The following MMP26 variants were observed in gnomAD, a reference collection of about 807,000 sequenced individuals.
MMP26 encodes the protein matrix metalloproteinase-26.
Under a neutral mutation model 31.0 loss-of-function variants are expected in MMP26, and 33 were observed. The observed-to-expected ratio is 1.06, with a 90% CI of 0.81 to 1.42. The LOEUF (loss-of-function observed/expected upper bound fraction) is 1.42. MMP26 is among the 40% of genes most tolerant of loss of function. The pLI, the probability that MMP26 is intolerant of heterozygous loss-of-function variation, is 0.00. For missense variants in MMP26, 347 were observed against 316.1 expected (o/e 1.10, Z -0.74); for synonymous variants, 122 against 114.9 (o/e 1.06, Z -0.40).
chr11:4,763,259 G>A (rs1037920557), intron 1 of MMP26, among the ~76,000 whole-genome samples: 1 of 152,094 alleles, frequency 6.6e-6, no homozygotes, highest in Non-Finnish European at 1.5e-5. Context: ...AAAGGCCAAA[G>A]GAGACACTGA....
chr11:4,769,836 A>G, intron 2 of MMP26: 1 of 1,612,764 alleles, frequency 6.2e-7, no homozygotes, highest in Non-Finnish European at 8.5e-7. Flanking sequence ...ATGGAGATCC[A>G]GACATGGGCA....
At chr11:4,833,019 A>G (rs1849667540) in intron 2 of MMP26, 1 of 152,338 alleles carries the variant, frequency 6.6e-6, no homozygotes, top group Non-Finnish European at 1.5e-5. Flanking sequence ...TTGTGTAAAA[A>G]CTCGGCAGAT....
At chr11:4,975,390 A>G (rs1030699946) in intron 2 of MMP26, among the ~76,000 whole-genome samples, 1 of 152,000 alleles carries the variant, frequency 6.6e-6, no homozygotes, top group African/African-American at 2.4e-5. Flanking sequence ...TGTTAGGCCT[A>G]GTGTCCTCCA....
chr11:4,917,566 C>T (rs755697168), intron 2 of MMP26, among the ~76,000 whole-genome samples: 10 of 152,132 alleles, frequency 6.6e-5, no homozygotes, highest in Admixed American at 1.3e-4. Flanking sequence ...TAGTTTGGGC[C>T]GTTAACTCAC....
At chr11:4,800,914 C>G (rs1319257843) in intron 2 of MMP26, among the ~76,000 whole-genome samples, 1 of 152,180 alleles carries the variant, frequency 6.6e-6, no homozygotes, top group African/African-American at 2.4e-5. Flanking sequence ...CAGCCATGCT[C>G]TTTGCTCGGG....
intron 2 of MMP26, among the ~76,000 whole-genome samples, chr11:4,974,326 A>G (rs1463832182): frequency 4.6e-5 from 7 of 151,600 alleles, no homozygotes; most frequent in African/African-American, 7.3e-5. Flanking sequence ...TTTGTTAAAA[A>G]TTTGTAAGAT....
At chr11:4,723,854 C>A in intron 1 of MMP26, 1 of 1,453,728 alleles carries the variant, frequency 6.9e-7, no homozygotes, top group Non-Finnish European at 9.6e-7. Context: ...CGTACCTTGT[C>A]TATGAAGGAG....
chr11:4,965,294 T>G (rs185910971), intron 2 of MMP26, among the ~76,000 whole-genome samples: 1 of 152,278 alleles, frequency 6.6e-6, no homozygotes, highest in East Asian at 1.9e-4. Flanking sequence ...CCGAGATCCT[T>G]GGGATATTTT....
intron 2 of MMP26, among the ~76,000 whole-genome samples, chr11:4,768,748 G>A (rs1271489602): frequency 1.3e-5 from 2 of 152,170 alleles, no homozygotes; most frequent in Non-Finnish European, 2.9e-5. Flanking sequence ...TTAATTGCCA[G>A]GAGTATTATT....
chr11:4,773,408 G>T (rs7130201), intron 2 of MMP26, among the ~76,000 whole-genome samples: 2,963 of 152,206 alleles, frequency 0.019, 89 homozygotes, highest in African/African-American at 0.068. Context: ...CCAACATGTA[G>T]CAAGAAACTG....
intron 2 of MMP26, among the ~76,000 whole-genome samples, chr11:4,948,631 T>C (rs1161085195): frequency 8.1e-6 from 1 of 123,922 alleles, no homozygotes; most frequent in Non-Finnish European, 1.8e-5. Flanking sequence ...TTTGCAACAG[T>C]GAAAATCATG....
At chr11:4,731,649 A>G (rs979705540) in intron 1 of MMP26, among the ~76,000 whole-genome samples, 4 of 152,308 alleles carry the variant, frequency 2.6e-5, no homozygotes, top group African/African-American at 9.6e-5. Context: ...GACATTTTCT[A>G]TAATATTCTG....
chr11:4,850,104 G>A (rs535475016), intron 2 of MMP26, among the ~76,000 whole-genome samples: 1 of 152,238 alleles, frequency 6.6e-6, no homozygotes, highest in Admixed American at 6.5e-5. Flanking sequence ...CTAAGTGTAT[G>A]TTTATATTTT....
chr11:4,922,978 G>T (rs1263233724), intron 2 of MMP26, among the ~76,000 whole-genome samples: 1 of 152,150 alleles, frequency 6.6e-6, no homozygotes, highest in Non-Finnish European at 1.5e-5. Context: ...ATAAAAATAT[G>T]TTTAAACAGT....
At chr11:4,986,092 C>A (rs545790185) in intron 2 of MMP26, among the ~76,000 whole-genome samples, 1 of 152,290 alleles carries the variant, frequency 6.6e-6, no homozygotes, top group African/African-American at 2.4e-5. Flanking sequence ...ACATATATAT[C>A]ATGTTGTTTA....
intron 1 of MMP26, among the ~76,000 whole-genome samples, chr11:4,751,324 A>C (rs1191716249): frequency 6.6e-6 from 1 of 152,196 alleles, no homozygotes; most frequent in Non-Finnish European, 1.5e-5. Flanking sequence ...ACAGGTGTGC[A>C]CACATATAAA....
chr11:4,958,209 A>G (rs757437038), intron 2 of MMP26, among the ~76,000 whole-genome samples: 2 of 152,130 alleles, frequency 1.3e-5, no homozygotes, highest in African/African-American at 2.4e-5. Context: ...CTGCATTTCA[A>G]TCCCCTCTTC....
At chr11:4,849,125 T>C in intron 2 of MMP26, 1 of 1,614,134 alleles carries the variant, frequency 6.2e-7, no homozygotes, top group South Asian at 1.1e-5. Context: ...GTGCACCTGA[T>C]AGGCCTGGCA....
intron 2 of MMP26, among the ~76,000 whole-genome samples, chr11:4,917,855 G>A (rs1337021208): frequency 6.6e-6 from 1 of 151,944 alleles, no homozygotes; most frequent in Admixed American, 6.6e-5. Flanking sequence ...AATTACTATT[G>A]TAAAAAATTC....
Sources: allele counts gnomAD v4.1 joint callset (sites outside exome capture counted in the v4.1 genomes callset), GRCh38; gene constraint gnomAD v4.1.1; transcripts MANE v1.5; gene names NCBI Gene and HGNC (gene_info 2026-07-23, HGNC 2026-07-21).